Variants in KCNMB2 observed in about 807,000 individuals in gnomAD.
The protein encoded by KCNMB2 is potassium calcium-activated channel subfamily M regulatory beta subunit 2, also known as calcium-activated potassium channel subunit beta-2.
A neutral mutation model predicts 24.5 loss-of-function variants in KCNMB2; 9 were observed. The observed-to-expected ratio is 0.37, with a 90% confidence interval of 0.22 to 0.64. The LOEUF is 0.64. KCNMB2 is among the 30% of genes least tolerant of loss of function. The probability of loss-of-function intolerance (pLI) is 0.63; values close to 1 mark genes in which losing one functional copy is unlikely to be tolerated. For synonymous variants in KCNMB2, 109 were observed against 104.4 expected (o/e 1.04, Z -0.27); for missense variants, 226 against 284.3 (o/e 0.79, Z 1.47).
intron 2 of KCNMB2, among the ~76,000 whole-genome samples, chr3:178,821,657 AGTCACCTCT>A (rs1714629569): frequency 6.6e-6 from 1 of 152,162 alleles, no homozygotes; most frequent in Non-Finnish European, 1.5e-5. Context: ...GGTCAGCAGA[AGTCACCTCT>A]TTGGATCCTG....
chr3:178,786,922 G>A (rs1713125334), intron 1 of KCNMB2, among the ~76,000 whole-genome samples: 1 of 151,708 alleles, frequency 6.6e-6, no homozygotes, highest in Non-Finnish European at 1.5e-5. Flanking sequence ...TAAGTTGCAG[G>A]AACAGACCTC....
chr3:178,771,499 T>C (rs1442133548), intron 1 of KCNMB2, among the ~76,000 whole-genome samples: 3 of 120,728 alleles, frequency 2.5e-5, no homozygotes, highest in African/African-American at 9.7e-5. Context: ...TTTTTTTTTT[T>C]GAGACAGGGT....
intron 1 of KCNMB2, among the ~76,000 whole-genome samples, chr3:178,751,967 T>C (rs944585221): frequency 6.6e-6 from 1 of 152,228 alleles, no homozygotes; most frequent in Non-Finnish European, 1.5e-5. Flanking sequence ...GGAAGTTAAC[T>C]GGTAGAAGCA....
intron 1 of KCNMB2, among the ~76,000 whole-genome samples, chr3:178,571,447 G>GATAGAT (rs1553814107): frequency 1.1e-5 from 1 of 91,102 alleles, no homozygotes; most frequent in African/African-American, 3.3e-5. Context: ...TTTCCTTATG[G>GATAGAT]ATATATATAT....
At chr3:178,682,847 C>A (rs1030422477) in intron 1 of KCNMB2, among the ~76,000 whole-genome samples, 1 of 151,464 alleles carries the variant, frequency 6.6e-6, no homozygotes, top group East Asian at 1.9e-4. Context: ...ATGGCTATTA[C>A]TAAAAAGTCA....
At chr3:178,690,833 C>G (rs1022503321) in intron 1 of KCNMB2, among the ~76,000 whole-genome samples, 1 of 152,164 alleles carries the variant, frequency 6.6e-6, no homozygotes, top group Non-Finnish European at 1.5e-5. Context: ...CTGCTTCAAA[C>G]GTTTTGGCAG....
chr3:178,585,351 G>A (rs1042739995), intron 1 of KCNMB2, among the ~76,000 whole-genome samples: 1 of 152,160 alleles, frequency 6.6e-6, no homozygotes. Flanking sequence ...TGTTCCTACA[G>A]AGCCAATAGG....
chr3:178,836,445 A>G (rs1715233615), intron 4 of KCNMB2, among the ~76,000 whole-genome samples: 1 of 152,120 alleles, frequency 6.6e-6, no homozygotes, highest in Admixed American at 6.6e-5. Flanking sequence ...TTCAGCTGGG[A>G]AAGGAAAGAG....
chr3:178,695,080 A>C (rs1207668687), intron 1 of KCNMB2, among the ~76,000 whole-genome samples: 1 of 152,252 alleles, frequency 6.6e-6, no homozygotes, highest in Non-Finnish European at 1.5e-5. Flanking sequence ...AGAGGTTCCC[A>C]AACCTCAATT....
intron 1 of KCNMB2, among the ~76,000 whole-genome samples, chr3:178,702,795 A>G (rs1722148198): frequency 7.2e-6 from 1 of 139,858 alleles, no homozygotes; most frequent in Non-Finnish European, 1.6e-5. Context: ...GTTAGGGCAG[A>G]TACGCCAGAC....
At chr3:178,645,246 C>T (rs946363747) in intron 1 of KCNMB2, among the ~76,000 whole-genome samples, 4 of 151,934 alleles carry the variant, frequency 2.6e-5, no homozygotes, top group African/African-American at 9.7e-5. Context: ...GACGGGGTTT[C>T]TCCATGTTGG....
In KCNMB2 at chr3:178,644,793, C is replaced by A. The variant is rs932299682; in HGVS notation, c.-68+108082C>A. 5.9e-5 allele frequency among the ~76,000 whole-genome samples: 9 copies of A among 152,240 alleles called. 1 individual carries two copies. The highest frequency in any genetic ancestry group is 2.2e-4 in the African/African-American group (9 of 41,536). ...TGGAGTCACACAATCTCAGTATGAA[C>A]CAAAGCTCTACATCCCTTACAAGCT... On this transcript the variant is annotated intron_variant, in intron 1 of 4. Transcript: ENST00000452583.
At chr3:178,661,645 G>A (rs1483725661) in intron 1 of KCNMB2, among the ~76,000 whole-genome samples, 1 of 152,056 alleles carries the variant, frequency 6.6e-6, no homozygotes, top group East Asian at 1.9e-4. Flanking sequence ...ACCAACCCCT[G>A]ATCATTATGC....
intron 1 of KCNMB2, among the ~76,000 whole-genome samples, chr3:178,686,396 T>C (rs184005928): frequency 1.3e-5 from 2 of 152,314 alleles, no homozygotes; most frequent in East Asian, 1.9e-4. Flanking sequence ...GGTAATAAAC[T>C]GGAAGGAATT....
intron 1 of KCNMB2, among the ~76,000 whole-genome samples, chr3:178,709,584 A>G (rs1722386201): frequency 6.6e-6 from 1 of 152,210 alleles, no homozygotes; most frequent in African/African-American, 2.4e-5. Flanking sequence ...AACATCAGAA[A>G]GGGCACATCT....
intron 1 of KCNMB2, among the ~76,000 whole-genome samples, chr3:178,564,970 G>T (rs1188221935): frequency 6.6e-6 from 1 of 151,782 alleles, no homozygotes; most frequent in Admixed American, 6.6e-5. Flanking sequence ...TACTTTGAAG[G>T]TAATAAAAAT....
chr3:178,689,623 G>A (rs966091025), intron 1 of KCNMB2, among the ~76,000 whole-genome samples: 3 of 152,146 alleles, frequency 2.0e-5, no homozygotes, highest in African/African-American at 4.8e-5. Flanking sequence ...GAGAGAGAGC[G>A]AGACTCTGTC....
At chr3:178,840,438 A>G (rs1057450443) in intron 4 of KCNMB2, among the ~76,000 whole-genome samples, 1 of 152,294 alleles carries the variant, frequency 6.6e-6, no homozygotes, top group Admixed American at 6.5e-5. Context: ...GCAGTGCCCC[A>G]GTGGGGATTC....
At chr3:178,681,352 T>G (rs1388492880) in intron 1 of KCNMB2, among the ~76,000 whole-genome samples, 1 of 152,204 alleles carries the variant, frequency 6.6e-6, no homozygotes, top group Non-Finnish European at 1.5e-5. Context: ...TAATTCACAT[T>G]CAGGTGCTTT....
Sources: allele counts gnomAD v4.1 joint callset (sites outside exome capture counted in the v4.1 genomes callset), GRCh38; gene constraint gnomAD v4.1.1; transcripts MANE v1.5; gene names NCBI Gene and HGNC (gene_info 2026-07-23, HGNC 2026-07-21).